The following LRRC4C variants were observed in gnomAD, a reference collection of about 807,000 sequenced individuals.
The protein encoded by LRRC4C is leucine-rich repeat-containing protein 4C.
A neutral mutation model predicts 33.6 loss-of-function variants in LRRC4C; 5 were observed. That is an observed-to-expected ratio of 0.15 (90% CI 0.08 to 0.31). LRRC4C has a LOEUF of 0.31. Among genes scored for constraint, LRRC4C ranks in the 10% least tolerant of loss-of-function variants. The pLI is 1.00. For synonymous variants in LRRC4C, 329 were observed against 302.0 expected, an observed-to-expected ratio of 1.09 and a Z score of -0.93; for missense variants, 560 against 796.7, an observed-to-expected ratio of 0.70 and a Z score of 3.58.
At chr11:40,797,936 A>C (rs1950896670) in intron 2 of LRRC4C, among the ~76,000 whole-genome samples, 1 of 152,186 alleles carries the variant, frequency 6.6e-6, no homozygotes, top group Non-Finnish European at 1.5e-5. Flanking sequence ...AAATTCCCTA[A>C]AGTATGTAGG....
At chr11:40,490,012 T>A (rs1042748148) in intron 3 of LRRC4C, among the ~76,000 whole-genome samples, 1 of 152,016 alleles carries the variant, frequency 6.6e-6, no homozygotes, top group African/African-American at 2.4e-5. Context: ...AAATACCCAC[T>A]CTCCTTCCTC....
At chr11:40,742,237 G>T (rs553538128) in intron 2 of LRRC4C, among the ~76,000 whole-genome samples, 1 of 151,988 alleles carries the variant, frequency 6.6e-6, no homozygotes, top group South Asian at 2.1e-4. Flanking sequence ...TTTTTAAATG[G>T]ATAGCATCTA....
intron 1 of LRRC4C, among the ~76,000 whole-genome samples, chr11:41,268,493 T>C (rs1386255914): frequency 6.6e-6 from 1 of 152,178 alleles, no homozygotes; most frequent in Non-Finnish European, 1.5e-5. Context: ...AATGCTATCA[T>C]GCTTACTTAG....
At chr11:40,726,226 A>G (rs1947286574) in intron 2 of LRRC4C, among the ~76,000 whole-genome samples, 1 of 152,132 alleles carries the variant, frequency 6.6e-6, no homozygotes, top group Non-Finnish European at 1.5e-5. Context: ...TAGATGTACA[A>G]ATGAGAGCTG....
intron 1 of LRRC4C, among the ~76,000 whole-genome samples, chr11:41,068,280 C>G (rs1938410141): frequency 6.6e-6 from 1 of 152,062 alleles, no homozygotes; most frequent in Non-Finnish European, 1.5e-5. Context: ...ATAATTCCAG[C>G]TATTCAGGAG....
intron 4 of LRRC4C, among the ~76,000 whole-genome samples, chr11:40,245,090 T>C (rs953706269): frequency 1.3e-5 from 2 of 152,182 alleles, no homozygotes; most frequent in African/African-American, 4.8e-5. Flanking sequence ...TTTTCATCCA[T>C]GAATGAACCC....
At chr11:41,297,797 G>A (rs1950183192) in intron 1 of LRRC4C, among the ~76,000 whole-genome samples, 1 of 152,178 alleles carries the variant, frequency 6.6e-6, no homozygotes, top group East Asian at 1.9e-4. Flanking sequence ...ATAATGATAA[G>A]AATTTAATGT....
At chr11:40,398,066 A>C (rs1949611519) in intron 3 of LRRC4C, among the ~76,000 whole-genome samples, 1 of 152,064 alleles carries the variant, frequency 6.6e-6, no homozygotes, top group African/African-American at 2.4e-5. Flanking sequence ...ACTTACAAAA[A>C]GGTGGCAATT....
At chr11:40,710,829 C>T (rs1591525836) in intron 2 of LRRC4C, among the ~76,000 whole-genome samples, 1 of 152,208 alleles carries the variant, frequency 6.6e-6, no homozygotes, top group Non-Finnish European at 1.5e-5. Context: ...GGCAGGCAGG[C>T]CTCGTTGAGC....
In LRRC4C at chr11:40,761,814, A is replaced by G. The variant is rs186049253; in HGVS notation, c.-406-113536T>C. Among the ~76,000 whole-genome samples the G allele has an allele frequency of 2.1e-3, 320 of 152,228 alleles. 1 individual carries two copies. The highest frequency in any genetic ancestry group is 3.3e-3 in the Non-Finnish European group (226 of 68,010). On this transcript the variant is annotated intron_variant, in intron 2 of 6. Coordinates refer to ENST00000528697, the MANE Select transcript of LRRC4C (RefSeq NM_001258419.2). The stretch of plus-strand genomic sequence containing the variant: ...GTACTGCGGTTCTGTCTTCTGTTAC[A>G]CTGATGTGGTTCCACATTGAAATAA...
At chr11:40,522,087 A>G (rs1482026012) in intron 3 of LRRC4C, among the ~76,000 whole-genome samples, 2 of 152,122 alleles carry the variant, frequency 1.3e-5, no homozygotes, top group Non-Finnish European at 2.9e-5. Context: ...CGATGGCACA[A>G]TCTCGGCCCA....
rs114701749 is a variant in LRRC4C at position 41,335,282 on chromosome 11, T to C, written c.-496+124149A>G. 5.5e-3 allele frequency among the ~76,000 whole-genome samples: 833 copies of C among 152,292 alleles called. 8 individuals carry two copies. Among genetic ancestry groups the C allele is most frequent in the African/African-American group, 0.019 (775 of 41,568 alleles). On this transcript the variant is annotated intron_variant, in intron 1 of 6. Coordinates refer to ENST00000528697, the MANE Select transcript of LRRC4C (RefSeq NM_001258419.2). ...CATTTCATTGGTAAAAGCAGACCAG[T>C]AAACTAAAAATATTAGAGTAGTAAA... is the stretch of plus-strand genomic sequence containing the variant.
At chr11:40,865,518 T>C (rs1954319755) in intron 2 of LRRC4C, among the ~76,000 whole-genome samples, 1 of 150,850 alleles carries the variant, frequency 6.6e-6, no homozygotes, top group Admixed American at 6.6e-5. Flanking sequence ...TGTGTATATA[T>C]ATATATATAT....
At chr11:41,014,010 C>A (rs1855404179) in intron 1 of LRRC4C, among the ~76,000 whole-genome samples, 1 of 152,244 alleles carries the variant, frequency 6.6e-6, no homozygotes, top group East Asian at 1.9e-4. Flanking sequence ...TTTCACCAGG[C>A]CCCACCTCCA....
chr11:40,896,270 G>C (rs10160380), intron 2 of LRRC4C, among the ~76,000 whole-genome samples: 148,666 of 152,262 alleles, frequency 0.98, 72,680 homozygotes, highest in Middle Eastern at 1. Flanking sequence ...CCTGCACACT[G>C]TAGGAATTAA....
intron 1 of LRRC4C, among the ~76,000 whole-genome samples, chr11:41,194,148 G>A (rs1247163493): frequency 6.6e-6 from 1 of 151,976 alleles, no homozygotes; most frequent in Non-Finnish European, 1.5e-5. Flanking sequence ...CTAATAAAAT[G>A]TTTTCTCCAG....
chr11:40,548,034 G>T (rs1956994987), intron 3 of LRRC4C, among the ~76,000 whole-genome samples: 1 of 152,076 alleles, frequency 6.6e-6, no homozygotes, highest in Admixed American at 6.6e-5. Context: ...TGAATAGTAT[G>T]TCAAAGATTA....
chr11:40,606,485 A>G (rs1182492764), intron 3 of LRRC4C, among the ~76,000 whole-genome samples: 1 of 152,150 alleles, frequency 6.6e-6, no homozygotes, highest in Non-Finnish European at 1.5e-5. Flanking sequence ...CAAATGAATG[A>G]TAACAACATA....
chr11:40,389,433 C>T (rs550836705), intron 3 of LRRC4C, among the ~76,000 whole-genome samples: 10 of 151,428 alleles, frequency 6.6e-5, no homozygotes, highest in South Asian at 2.1e-4. Flanking sequence ...TCTTTTGTTA[C>T]GTATCCAATG....
Sources: gnomAD v4.1 joint callset for allele counts (sites outside exome capture counted in the v4.1 genomes callset) on GRCh38, gnomAD v4.1.1 for gene constraint, MANE v1.5 for transcripts, NCBI Gene and HGNC (gene_info 2026-07-23, HGNC 2026-07-21) for gene names.